The following NRXN1 variants were observed in gnomAD, a reference collection of about 807,000 sequenced individuals.
NRXN1 encodes neurexin 1, also known as neurexin-1.
NRXN1 carries 39 observed loss-of-function variants against 150.9 expected under a neutral mutation model. The ratio of observed to expected loss-of-function variants is 0.26; its 90% CI spans 0.20 to 0.34. The LOEUF is 0.34. NRXN1 is among the 10% of genes least tolerant of loss of function. NRXN1 has a pLI of 1.00. For synonymous variants in NRXN1, 924 were observed against 757.0 expected (o/e 1.22, Z -3.62); for missense variants, 1,815 against 1,949.9 (o/e 0.93, Z 1.30).
intron 5 of NRXN1, among the ~76,000 whole-genome samples, chr2:50,747,197 C>A (rs1574332366): frequency 6.6e-6 from 1 of 152,194 alleles, no homozygotes; most frequent in South Asian, 2.1e-4. Flanking sequence ...AAGATGGCCA[C>A]AGATCAGAAG....
intron 17 of NRXN1, among the ~76,000 whole-genome samples, chr2:50,289,835 T>C (rs1169365594): frequency 1.3e-5 from 2 of 152,164 alleles, no homozygotes; most frequent in East Asian, 3.8e-4. Context: ...GGAAATATGA[T>C]ATCTGTCCAT....
At chr2:50,813,494 A>C (rs1668512451) in intron 5 of NRXN1, among the ~76,000 whole-genome samples, 1 of 152,160 alleles carries the variant, frequency 6.6e-6, no homozygotes, top group Non-Finnish European at 1.5e-5. Context: ...TTTATAAGTA[A>C]AAATCGTTGA....
intron 18 of NRXN1, among the ~76,000 whole-genome samples, chr2:50,206,883 TACACACACAC>T (rs367944282): frequency 6.7e-6 from 1 of 149,612 alleles, no homozygotes; most frequent in African/African-American, 2.5e-5. Flanking sequence ...AAATGGGCAG[TACACACACAC>T]ACACACACAC....
At chr2:50,050,261 CTG>C (rs1356205957) in intron 21 of NRXN1, among the ~76,000 whole-genome samples, 1 of 150,672 alleles carries the variant, frequency 6.6e-6, no homozygotes, top group African/African-American at 2.4e-5. Context: ...TTCTCTGAGT[CTG>C]TGAAAACTGA....
At chr2:50,221,659 C>A (rs914689699) in intron 18 of NRXN1, among the ~76,000 whole-genome samples, 123 of 152,044 alleles carry the variant, frequency 8.1e-4, no homozygotes, top group African/African-American at 2.8e-3. Flanking sequence ...ACTATAGATG[C>A]AATAGGACTG....
intron 5 of NRXN1, among the ~76,000 whole-genome samples, chr2:50,682,781 C>A (rs1444887435): frequency 6.6e-6 from 1 of 151,896 alleles, no homozygotes; most frequent in Non-Finnish European, 1.5e-5. Flanking sequence ...AGGAGGGAAA[C>A]CAAAGTGATC....
At chr2:50,216,299 T>C (rs1159789246) in intron 18 of NRXN1, among the ~76,000 whole-genome samples, 1 of 152,022 alleles carries the variant, frequency 6.6e-6, no homozygotes, top group Non-Finnish European at 1.5e-5. Flanking sequence ...AACATCTTAA[T>C]GTTTATAATT....
chr2:50,738,013 T>C (rs974132687), intron 5 of NRXN1, among the ~76,000 whole-genome samples: 2 of 152,076 alleles, frequency 1.3e-5, no homozygotes, highest in African/African-American at 4.8e-5. Context: ...GTTCTCCAAA[T>C]ATGCAAATCC....
intron 21 of NRXN1, among the ~76,000 whole-genome samples, chr2:49,988,809 T>A (rs1681415904): frequency 6.6e-6 from 1 of 152,206 alleles, no homozygotes; most frequent in South Asian, 2.1e-4. Context: ...TTGATGCAAT[T>A]ATGTACCATT....
chr2:50,127,713 G>A (rs569034139), intron 18 of NRXN1, among the ~76,000 whole-genome samples: 5 of 152,264 alleles, frequency 3.3e-5, no homozygotes, highest in South Asian at 4.1e-4. Flanking sequence ...TGATGATGAC[G>A]TATATAAAAT....
chr2:50,280,922 A>G (rs2071349173), intron 17 of NRXN1, among the ~76,000 whole-genome samples: 2 of 152,118 alleles, frequency 1.3e-5, no homozygotes, highest in Non-Finnish European at 2.9e-5. Flanking sequence ...ATTTTGAACA[A>G]TGTTTCAAAA....
chr2:50,631,711 C>T (rs2104404631), intron 5 of NRXN1, among the ~76,000 whole-genome samples: 1 of 152,016 alleles, frequency 6.6e-6, no homozygotes, highest in Middle Eastern at 3.4e-3. Context: ...ACCAAAGGTG[C>T]TGAGAACCAA....
intron 9 of NRXN1, among the ~76,000 whole-genome samples, chr2:50,540,959 G>C (rs2093375761): frequency 6.6e-6 from 1 of 152,098 alleles, no homozygotes; most frequent in South Asian, 2.1e-4. Flanking sequence ...ACCACACCCA[G>C]CCAAAGTGAC....
chr2:50,392,783 A>G (rs192810466), intron 17 of NRXN1, among the ~76,000 whole-genome samples: 68 of 152,184 alleles, frequency 4.5e-4, no homozygotes, highest in African/African-American at 1.5e-3. Context: ...TGAAAGCTAT[A>G]TCAGGACTGC....
chr2:50,671,472 A>AT (rs992091925), intron 5 of NRXN1, among the ~76,000 whole-genome samples: 6 of 151,590 alleles, frequency 4.0e-5, no homozygotes, highest in Non-Finnish European at 5.9e-5. Context: ...TGTTCAAATC[A>AT]TTTTTCTGAT....
At chr2:50,338,852 G>A (rs1161813709) in intron 17 of NRXN1, among the ~76,000 whole-genome samples, 1 of 152,192 alleles carries the variant, frequency 6.6e-6, no homozygotes, top group Non-Finnish European at 1.5e-5. Flanking sequence ...AACTCCTAGT[G>A]AAGTACTTTA....
chr2:50,861,194 A>C (rs531062145), intron 5 of NRXN1, among the ~76,000 whole-genome samples: 2 of 152,052 alleles, frequency 1.3e-5, no homozygotes, highest in African/African-American at 4.8e-5. Flanking sequence ...GTCACCATGG[A>C]ATTCTAGAGC....
chr2:50,817,775 T>A (rs12233045), intron 5 of NRXN1, among the ~76,000 whole-genome samples: 26,112 of 151,696 alleles, frequency 0.17, 2,487 homozygotes, highest in Non-Finnish European at 0.2. Context: ...ATGCAGGGGG[T>A]AAAAAAGTAT....
chr2:50,745,550 T>C (rs191420681), intron 5 of NRXN1, among the ~76,000 whole-genome samples: 2 of 152,200 alleles, frequency 1.3e-5, no homozygotes, highest in East Asian at 1.9e-4. Flanking sequence ...TAGTGTGGTA[T>C]ATTAGTTCAT....
Sources: gnomAD v4.1 joint callset for allele counts (sites outside exome capture counted in the v4.1 genomes callset) on GRCh38, gnomAD v4.1.1 for gene constraint, MANE v1.5 for transcripts, NCBI Gene and HGNC (gene_info 2026-07-23, HGNC 2026-07-21) for gene names.